The following RIMBP2 variants were observed in gnomAD, a reference collection of about 807,000 sequenced individuals.
RIMBP2 encodes RIMS-binding protein 2.
A neutral mutation model predicts 118.6 loss-of-function variants in RIMBP2; 48 were observed. That is an observed-to-expected ratio of 0.40 (90% CI 0.32 to 0.51). The LOEUF is 0.51. RIMBP2 is among the 20% of genes least tolerant of loss of function. The pLI, the probability that RIMBP2 is intolerant of heterozygous loss-of-function variation, is 0.41. For synonymous variants in RIMBP2, 762 were observed against 742.9 expected (o/e 1.03, Z -0.42); for missense variants, 1,551 against 1,768.3 (o/e 0.88, Z 2.20).
In RIMBP2 at chr12:130,422,999, C is replaced by T. The variant is rs372288297; in HGVS notation, c.3130-438G>A. ...CCTCCTGTCCTGCTTGGATAAAAGTCGTATGTGAGGTTTCAAAAAACTGAA... is the reference window on the plus strand; with the variant it reads ...CCTCCTGTCCTGCTTGGATAAAAGTTGTATGTGAGGTTTCAAAAAACTGAA... On this transcript the variant is annotated intron_variant, in intron 16 of 22. Coordinates refer to ENST00000690449, the MANE Select transcript of RIMBP2 (RefSeq NM_001393629.1). The surrounding 1 kb of genome is among the most constrained non-coding windows in gnomAD (Gnocchi z 5.2). 3.3e-5 allele frequency among the ~76,000 whole-genome samples: 5 copies of T among 152,178 alleles called. No individual in the cohort carries two copies. The highest frequency in any genetic ancestry group is 2.0e-4 in the Admixed American group (3 of 15,290).
rs138415647 is a variant in RIMBP2, at chr12:130,542,074, T to C, written c.-216-24157A>G. On this transcript the variant is annotated intron_variant, in intron 2 of 22. Coordinates refer to ENST00000690449, the MANE Select transcript of RIMBP2 (RefSeq NM_001393629.1). ...CCCTATCATAGAACTCACATCCTTA[T>C]TGGGAAAATGTGGATGGAAATGTGG... Among the ~76,000 whole-genome samples the C allele has an allele frequency of 2.3e-4, 35 of 150,020 alleles. 1 individual carries two copies. The highest frequency in any genetic ancestry group is 3.4e-3 in the Middle Eastern group (1 of 294).
intron 13 of RIMBP2, among the ~76,000 whole-genome samples, chr12:130,435,586 C>T (rs570224690): frequency 9.5e-4 from 144 of 152,300 alleles, no homozygotes; most frequent in African/African-American, 3.5e-3. Context: ...TGCCCACGGC[C>T]TCCCCAGAAG....
intron 7 of RIMBP2, among the ~76,000 whole-genome samples, chr12:130,453,643 G>C (rs1321060108): frequency 6.6e-6 from 1 of 152,220 alleles, no homozygotes; most frequent in Non-Finnish European, 1.5e-5. Flanking sequence ...AGGCCAACTC[G>C]CAGAAGCAGA....
chr12:130,466,130 C>G (rs987800182), intron 6 of RIMBP2: 1 of 152,232 alleles, frequency 6.6e-6, no homozygotes, highest in Non-Finnish European at 1.5e-5. Context: ...CCTATGCACT[C>G]TCAGGACACG....
At chr12:130,397,743 T>A in intron 22 of RIMBP2, 194 bp from the exon 23 acceptor site, 2 of 378,312 alleles carry the variant, frequency 5.3e-6, no homozygotes, top group Non-Finnish European at 4.7e-6. Flanking sequence ...CAGACATAAA[T>A]GTGTGGGTTC....
chr12:130,457,365 A>G (rs900526743), intron 6 of RIMBP2, among the ~76,000 whole-genome samples: 1 of 152,174 alleles, frequency 6.6e-6, no homozygotes, highest in Non-Finnish European at 1.5e-5. Context: ...AGGGACACGC[A>G]CAGGAAAGGG....
At chr12:130,474,255 AC>A (rs2081251299) in intron 5 of RIMBP2, among the ~76,000 whole-genome samples, 1 of 152,176 alleles carries the variant, frequency 6.6e-6, no homozygotes, top group South Asian at 2.1e-4. Flanking sequence ...CGCAGGTTAC[AC>A]GAGGGCTGAC....
chr12:130,629,598 A>G (rs1173142979), intron 1 of RIMBP2, among the ~76,000 whole-genome samples: 1 of 152,146 alleles, frequency 6.6e-6, no homozygotes, highest in Non-Finnish European at 1.5e-5. Context: ...TTATATTGAA[A>G]ACAGAAATTA....
chr12:130,479,196 A>G (rs186958264), intron 4 of RIMBP2, among the ~76,000 whole-genome samples, 180 bp from the exon 5 acceptor site: 5 of 152,264 alleles, frequency 3.3e-5, no homozygotes, highest in Admixed American at 6.5e-5. Flanking sequence ...GGCACTCCCA[A>G]TGCGGGAGCT....
intron 2 of RIMBP2, among the ~76,000 whole-genome samples, chr12:130,585,622 A>G (rs956633988): frequency 1.6e-4 from 25 of 152,168 alleles, no homozygotes; most frequent in African/African-American, 5.3e-4. Context: ...CTCAAAAAAA[A>G]AAAAAAAAAG....
At chr12:130,531,526 T>C (rs1410848155) in intron 2 of RIMBP2, among the ~76,000 whole-genome samples, 1 of 152,272 alleles carries the variant, frequency 6.6e-6, no homozygotes, top group African/African-American at 2.4e-5. Context: ...TGTAGTATCC[T>C]CTTGTATAAA....
intron 1 of RIMBP2, among the ~76,000 whole-genome samples, chr12:130,672,382 G>A (rs1314541359): frequency 2.0e-5 from 3 of 152,220 alleles, no homozygotes; most frequent in African/African-American, 7.2e-5. Context: ...GCTAAACACC[G>A]CTTCACAGCG....
intron 5 of RIMBP2, among the ~76,000 whole-genome samples, chr12:130,476,017 T>C (rs1253153053): frequency 2.6e-5 from 4 of 152,022 alleles, no homozygotes; most frequent in Admixed American, 2.6e-4. Context: ...CCCATGCATC[T>C]ATGTGAGGTC....
chr12:130,459,747 CA>C (rs751164039), intron 6 of RIMBP2, among the ~76,000 whole-genome samples: 1 of 151,944 alleles, frequency 6.6e-6, no homozygotes, highest in Non-Finnish European at 1.5e-5. Context: ...TCTGCTCTCA[CA>C]TGGTTCCATG....
chr12:130,520,044 G>A (rs2051913172), intron 2 of RIMBP2, among the ~76,000 whole-genome samples: 1 of 152,256 alleles, frequency 6.6e-6, no homozygotes, highest in Non-Finnish European at 1.5e-5. Flanking sequence ...CATGCCATCC[G>A]CCTCTCTCTG....
At chr12:130,641,039 G>A (rs2062594642) in intron 1 of RIMBP2, among the ~76,000 whole-genome samples, 1 of 152,192 alleles carries the variant, frequency 6.6e-6, no homozygotes, top group African/African-American at 2.4e-5. Context: ...ACTCAGCGCT[G>A]TTTCTGTGGT....
intron 2 of RIMBP2, among the ~76,000 whole-genome samples, chr12:130,548,669 G>C (rs1319083150): frequency 6.6e-6 from 1 of 152,086 alleles, no homozygotes; most frequent in South Asian, 2.1e-4. Flanking sequence ...CACCTCCCGG[G>C]TTCAAGCAAT....
chr12:130,555,642 G>A (rs549369370), intron 2 of RIMBP2, among the ~76,000 whole-genome samples: 2 of 152,210 alleles, frequency 1.3e-5, no homozygotes, highest in African/African-American at 2.4e-5. Context: ...AGATCTATCC[G>A]GGGCACAGGA....
intron 2 of RIMBP2, among the ~76,000 whole-genome samples, chr12:130,555,182 G>A (rs2056227695): frequency 6.6e-6 from 1 of 152,296 alleles, no homozygotes; most frequent in African/African-American, 2.4e-5. Flanking sequence ...CTACTATCCT[G>A]TATCAGCTCC....
Sources: allele counts gnomAD v4.1 joint callset (sites outside exome capture counted in the v4.1 genomes callset), GRCh38; gene constraint gnomAD v4.1.1; non-coding constraint Gnocchi (gnomAD v3.1); transcripts MANE v1.5; gene names NCBI Gene and HGNC (gene_info 2026-07-23, HGNC 2026-07-21).